The following MLIP variants were observed in gnomAD, a reference collection of about 807,000 sequenced individuals.
The protein encoded by MLIP is muscular LMNA interacting protein, also known as muscular LMNA-interacting protein.
In MLIP, 79 loss-of-function variants were observed where a neutral mutation model predicts 84.8. The observed-to-expected ratio is 0.93, with a 90% CI of 0.78 to 1.12. MLIP has a LOEUF of 1.12. Ranked by LOEUF, MLIP falls within the 50% of genes most tolerant of loss-of-function variation. MLIP has a pLI of 0.00. For missense variants in MLIP, 1,257 were observed against 1,160.6 expected, an observed-to-expected ratio of 1.08 and a Z score of -1.21; for synonymous variants, 504 against 463.0, an observed-to-expected ratio of 1.09 and a Z score of -1.14.
At chr6:54,157,116 G>A (rs938476020) in intron 5 of MLIP, among the ~76,000 whole-genome samples, 5 of 152,114 alleles carry the variant, frequency 3.3e-5, no homozygotes, top group African/African-American at 1.2e-4. Context: ...AGCAGCCTTT[G>A]AGTGAGGAGC....
intron 1 of MLIP, among the ~76,000 whole-genome samples, chr6:54,047,914 T>C (rs190514849): frequency 1.3e-5 from 2 of 152,220 alleles, no homozygotes; most frequent in Non-Finnish European, 2.9e-5. Context: ...ATGTACTATA[T>C]GTAGGGCACA....
intron 3 of MLIP, 29 bp downstream of exon 3, chr6:54,124,894 G>T (rs747985633): frequency 6.6e-7 from 1 of 1,525,382 alleles, no homozygotes. Flanking sequence ...CTGTCCATAA[G>T]GAAAAAAAAA....
At chr6:54,062,155 T>C (rs1441830408) in intron 1 of MLIP, among the ~76,000 whole-genome samples, 1 of 152,214 alleles carries the variant, frequency 6.6e-6, no homozygotes, top group East Asian at 1.9e-4. Context: ...GGGATCAGAC[T>C]AGAGAATCAT....
At chr6:54,230,218 T>A (rs184539400) in intron 11 of MLIP, among the ~76,000 whole-genome samples, 69 of 152,298 alleles carry the variant, frequency 4.5e-4, no homozygotes, top group Non-Finnish European at 8.5e-4. Context: ...ACTCCGAAAC[T>A]TATTGTGTCA....
intron 3 of MLIP, among the ~76,000 whole-genome samples, chr6:54,135,877 T>C (rs1017887099): frequency 3.3e-4 from 50 of 152,298 alleles, no homozygotes; most frequent in African/African-American, 1.2e-3. Flanking sequence ...CTAGCTTCTC[T>C]TGTAAAATGA....
At chr6:54,160,037 T>C (rs944628926) in intron 5 of MLIP, among the ~76,000 whole-genome samples, 1 of 152,056 alleles carries the variant, frequency 6.6e-6, no homozygotes, top group Non-Finnish European at 1.5e-5. Flanking sequence ...TCTGCAACCA[T>C]CTGATCTTCG....
intron 11 of MLIP, among the ~76,000 whole-genome samples, chr6:54,205,834 TATTA>T (rs1408637532): frequency 2.3e-4 from 35 of 152,358 alleles, no homozygotes; most frequent in African/African-American, 7.7e-4. Context: ...CTTCGTTCAT[TATTA>T]ATTAATAATT....
intron 8 of MLIP, among the ~76,000 whole-genome samples, chr6:54,163,594 G>A (rs1582345805): frequency 6.6e-6 from 1 of 151,862 alleles, no homozygotes; most frequent in East Asian, 1.9e-4. Flanking sequence ...ACATGTAAAT[G>A]CCTTTTCCCA....
chr6:54,202,358 G>A lies in MLIP; in HGVS notation c.2718+125G>A, dbSNP rs11962728. 2,453 of 412,702 alleles carry A rather than the reference G, an allele frequency of 5.9e-3. 48 individuals are homozygous for A. Among genetic ancestry groups the A allele is most frequent in the African/African-American group, 0.047 (2,146 of 45,878 alleles). The allele number at this position is 412,702 out of a possible 1,614,324, so 25.6% of individuals were successfully genotyped here. A position where few individuals can be genotyped will look rare whatever the true frequency, so the allele number is the denominator to read the frequency against. ...AGATGTCTCTATGAATATAGTATGC[G>A]TAAGAACATGTTCATTTGATTGGAA... On this transcript the variant is annotated intron_variant, in intron 11 of 13. Transcript: ENST00000502396.
chr6:54,026,384 A>G (rs1763805035), intron 1 of MLIP, among the ~76,000 whole-genome samples: 2 of 152,222 alleles, frequency 1.3e-5, no homozygotes, highest in South Asian at 4.1e-4. Context: ...CAAAGTGAAA[A>G]ACTAAGTAGT....
chr6:54,147,554 G>A (rs2797425), intron 4 of MLIP, among the ~76,000 whole-genome samples: 1 of 151,848 alleles, frequency 6.6e-6, no homozygotes, highest in African/African-American at 2.4e-5. Context: ...TGCAGAAAGC[G>A]ACGTAGCTTC....
intron 1 of MLIP, among the ~76,000 whole-genome samples, chr6:54,051,520 C>T (rs1765372617): frequency 6.6e-6 from 1 of 152,092 alleles, no homozygotes; most frequent in Admixed American, 6.6e-5. Flanking sequence ...AAGGAGACTG[C>T]TTTTTCCTCT....
At chr6:54,122,674 T>C (rs1275814137) in intron 2 of MLIP, among the ~76,000 whole-genome samples, 2 of 152,312 alleles carry the variant, frequency 1.3e-5, no homozygotes, top group African/African-American at 4.8e-5. Flanking sequence ...ATACTATATA[T>C]GGCACTTCTA....
At chr6:54,041,577 T>C (rs769605094) in intron 1 of MLIP, among the ~76,000 whole-genome samples, 2 of 152,106 alleles carry the variant, frequency 1.3e-5, no homozygotes, top group Non-Finnish European at 2.9e-5. Flanking sequence ...TCTACATCTC[T>C]ACCCACACTT....
chr6:54,225,804 G>T (rs1780539284), intron 11 of MLIP, among the ~76,000 whole-genome samples: 2 of 152,176 alleles, frequency 1.3e-5, no homozygotes, highest in South Asian at 4.1e-4. Context: ...AGGGATGGTG[G>T]ATTGAATAAT....
intron 3 of MLIP, among the ~76,000 whole-genome samples, chr6:54,132,786 G>A (rs895399505): frequency 6.6e-6 from 1 of 152,190 alleles, no homozygotes; most frequent in African/African-American, 2.4e-5. Flanking sequence ...TATGTGAATT[G>A]AGAAAACCTC....
At chr6:54,020,623 A>T (rs906883070) in intron 1 of MLIP, among the ~76,000 whole-genome samples, 8 of 152,200 alleles carry the variant, frequency 5.3e-5, no homozygotes, top group African/African-American at 1.9e-4. Flanking sequence ...ATTCGAAGTG[A>T]TTCGATGTAT....
chr6:54,082,643 G>A (rs112698379), intron 1 of MLIP, among the ~76,000 whole-genome samples: 21 of 152,256 alleles, frequency 1.4e-4, no homozygotes, highest in African/African-American at 4.8e-4. Flanking sequence ...TATGGGACCT[G>A]TTGCTCCACA....
chr6:54,083,518 C>T, intron 1 of MLIP: 2 of 1,535,688 alleles, frequency 1.3e-6, no homozygotes, highest in Non-Finnish European at 1.7e-6. Flanking sequence ...TTGGCTGACA[C>T]TGACCTTGCC....
Sources: allele counts gnomAD v4.1 joint callset (sites outside exome capture counted in the v4.1 genomes callset), GRCh38; gene constraint gnomAD v4.1.1; transcripts MANE v1.5; gene names NCBI Gene and HGNC (gene_info 2026-07-23, HGNC 2026-07-21).